Variants in SRGAP1 observed in about 807,000 individuals in gnomAD.
SRGAP1 encodes SLIT-ROBO Rho GTPase activating protein 1.
Under a neutral mutation model 121.9 loss-of-function variants are expected in SRGAP1, and 43 were observed. That is an observed-to-expected ratio of 0.35 (90% confidence interval 0.28 to 0.46). The LOEUF (loss-of-function observed/expected upper bound fraction) is 0.46. Among genes scored for constraint, SRGAP1 ranks in the 20% least tolerant of loss-of-function variants. SRGAP1 has a pLI of 1.00. For synonymous variants in SRGAP1, 447 were observed against 485.4 expected, an observed-to-expected ratio of 0.92 and a Z score of 1.04; for missense variants, 1,102 against 1,350.9, an observed-to-expected ratio of 0.82 and a Z score of 2.89.
chr12:63,993,225 A>G (rs969730378), intron 3 of SRGAP1, among the ~76,000 whole-genome samples: 2 of 151,696 alleles, frequency 1.3e-5, no homozygotes, highest in Admixed American at 6.6e-5. Context: ...GTACCCATTT[A>G]TGCCTGAGGT....
chr12:64,034,965 A>C (rs1434588395), intron 4 of SRGAP1, among the ~76,000 whole-genome samples: 1 of 152,070 alleles, frequency 6.6e-6, no homozygotes, highest in East Asian at 1.9e-4. Context: ...GGTTTGTGAA[A>C]GTTTATCATT....
At chr12:64,066,634 A>G (rs1417595088) in intron 8 of SRGAP1, among the ~76,000 whole-genome samples, 1 of 152,198 alleles carries the variant, frequency 6.6e-6, no homozygotes, top group Admixed American at 6.5e-5. Context: ...ATTTGGTCAA[A>G]ACCCATTGTA....
intron 1 of SRGAP1, among the ~76,000 whole-genome samples, chr12:63,868,004 G>A (rs1899696683): frequency 8.0e-6 from 1 of 124,520 alleles, no homozygotes; most frequent in Admixed American, 8.8e-5. Flanking sequence ...TCATCATTAA[G>A]AGAATCTCAA....
intron 6 of SRGAP1, among the ~76,000 whole-genome samples, chr12:64,052,511 C>T (rs368688568): frequency 6.6e-6 from 1 of 151,334 alleles, no homozygotes; most frequent in Non-Finnish European, 1.5e-5. Context: ...GCCAAGATTG[C>T]GCCATTGTAC....
chr12:64,108,557 A>C (rs1359521822), intron 15 of SRGAP1, among the ~76,000 whole-genome samples: 2 of 152,224 alleles, frequency 1.3e-5, no homozygotes, highest in Non-Finnish European at 2.9e-5. Flanking sequence ...ATTAATGCAT[A>C]ACAGTTCGGG....
intron 1 of SRGAP1, among the ~76,000 whole-genome samples, chr12:63,960,376 C>T (rs78607337): frequency 0.024 from 3,708 of 152,048 alleles, 139 homozygotes; most frequent in African/African-American, 0.085. Context: ...AGCTGGTTTT[C>T]GGCTTCTCTT....
chr12:63,979,022 G>C (rs923501540), intron 1 of SRGAP1, among the ~76,000 whole-genome samples: 1 of 134,826 alleles, frequency 7.4e-6, no homozygotes, highest in South Asian at 2.7e-4. Flanking sequence ...AGAAATGTCT[G>C]TTGAGACCCT....
chr12:64,074,142 G>A (rs1369651633), intron 8 of SRGAP1, among the ~76,000 whole-genome samples: 1 of 152,140 alleles, frequency 6.6e-6, no homozygotes, highest in Non-Finnish European at 1.5e-5. Context: ...AACTGCTACT[G>A]CTGTTGCTTA....
At chr12:64,020,676 T>C (rs201016193) in intron 4 of SRGAP1, among the ~76,000 whole-genome samples, 1 of 151,062 alleles carries the variant, frequency 6.6e-6, no homozygotes, top group African/African-American at 2.4e-5. Context: ...AACCCCGTCT[T>C]TACTAAAAAT....
intron 1 of SRGAP1, among the ~76,000 whole-genome samples, chr12:63,946,493 C>A (rs957991783): frequency 6.6e-6 from 1 of 151,716 alleles, no homozygotes; most frequent in Non-Finnish European, 1.5e-5. Flanking sequence ...CCCAGGCAAC[C>A]ACTGACCTGC....
chr12:63,999,499 AT>A (rs2033813032), intron 3 of SRGAP1, among the ~76,000 whole-genome samples: 1 of 152,116 alleles, frequency 6.6e-6, no homozygotes, highest in Non-Finnish European at 1.5e-5. Context: ...GAGCAGGTGG[AT>A]TCGAGTGGTG....
intron 1 of SRGAP1, among the ~76,000 whole-genome samples, chr12:63,894,735 T>G (rs1432468540): frequency 6.6e-6 from 1 of 152,156 alleles, no homozygotes; most frequent in Non-Finnish European, 1.5e-5. Flanking sequence ...GGTTTTTTGT[T>G]CTTGCGATAG....
chr12:63,982,363 A>G (rs1187119913), intron 1 of SRGAP1, among the ~76,000 whole-genome samples: 2 of 152,236 alleles, frequency 1.3e-5, no homozygotes, highest in African/African-American at 4.8e-5. Flanking sequence ...TATACTCCTT[A>G]AACTTCAATT....
At chr12:64,023,304 A>C (rs1390588805) in intron 4 of SRGAP1, among the ~76,000 whole-genome samples, 1 of 152,016 alleles carries the variant, frequency 6.6e-6, no homozygotes, top group Non-Finnish European at 1.5e-5. Flanking sequence ...GAAAAGTGAA[A>C]GGCAAAAACA....
At chr12:64,123,652 A>G (rs1028898275) in intron 18 of SRGAP1, among the ~76,000 whole-genome samples, 5 of 134,406 alleles carry the variant, frequency 3.7e-5, no homozygotes, top group African/African-American at 1.7e-4. Flanking sequence ...GGATTTATTT[A>G]TTTATTTATT....
In SRGAP1 at chr12:64,153,337, G is replaced by T. The variant is rs1040984501; in HGVS notation, c.*10665G>T. ...AGGTACTTAAAATTAGCCGGGCTTG[G>T]TGGTGCACAACTGTAATCCCACCTA... is the stretch of plus-strand genomic sequence containing the variant. On this transcript the variant is annotated 3_prime_UTR_variant, in exon 22 of 22. Transcript: ENST00000355086. 6.6e-6 allele frequency: 1 copy of T among 152,076 alleles called. No individual in the cohort carries two copies. 9.4% of individuals were successfully genotyped at this position (152,076 alleles called of 1,614,324 possible).
At chr12:63,872,719 T>C (rs1181462952) in intron 1 of SRGAP1, among the ~76,000 whole-genome samples, 1 of 152,254 alleles carries the variant, frequency 6.6e-6, no homozygotes, top group East Asian at 1.9e-4. Context: ...GGGCCCTTTT[T>C]TGTCTTATAG....
At position 64,145,713 on chromosome 12, in the gene SRGAP1, T is replaced by TAAAGCTCATTA. The variant is rs2037041686; in HGVS notation, c.*3047_*3057dup. 6.6e-6 allele frequency: 1 copy of TAAAGCTCATTA among 152,186 alleles called. No individual in the cohort carries two copies. The highest frequency in any genetic ancestry group is 2.4e-5 in the African/African-American group (1 of 41,436). The allele number at this position is 152,186 out of a possible 1,614,324, so 9.4% of individuals were successfully genotyped here. On this transcript the variant is annotated 3_prime_UTR_variant, in exon 22 of 22. Coordinates refer to ENST00000355086, the MANE Select transcript of SRGAP1 (RefSeq NM_020762.4). Reference sequence around the variant, plus strand: ...ACAAAGAATCCAGAATCATGCTCAGTAAAGCTCATTAAAAGCCACTGCAGC... The same window carrying TAAAGCTCATTA: ...ACAAAGAATCCAGAATCATGCTCAGTAAAGCTCATTAAAAGCTCATTAAAAGCCACTGCAGC...
At chr12:63,969,955 A>G (rs1010106036) in intron 1 of SRGAP1, among the ~76,000 whole-genome samples, 21 of 152,032 alleles carry the variant, frequency 1.4e-4, no homozygotes, top group African/African-American at 5.1e-4. Context: ...ATTTTCTACC[A>G]TGCTGCCTTT....
Sources: allele counts gnomAD v4.1 joint callset (sites outside exome capture counted in the v4.1 genomes callset), GRCh38; gene constraint gnomAD v4.1.1; transcripts MANE v1.5; gene names NCBI Gene and HGNC (gene_info 2026-07-23, HGNC 2026-07-21).